DMXL2: variants seen among roughly 807,000 people sequenced by gnomAD.
The protein encoded by DMXL2 is Dmx like 2.
Under a neutral mutation model 331.1 loss-of-function variants are expected in DMXL2, and 103 were observed. The ratio of observed to expected loss-of-function variants is 0.31; its 90% CI spans 0.27 to 0.37. DMXL2 has a LOEUF of 0.37. Among genes scored for constraint, DMXL2 ranks in the 10% least tolerant of loss-of-function variants. The pLI is 1.00. For missense variants in DMXL2, 3,171 were observed against 3,642.9 expected (o/e 0.87, Z 3.33); for synonymous variants, 1,281 against 1,252.1 (o/e 1.02, Z -0.49).
At chr15:51,606,741 A>T (rs959561866) in intron 1 of DMXL2, among the ~76,000 whole-genome samples, 10 of 152,254 alleles carry the variant, frequency 6.6e-5, no homozygotes, top group African/African-American at 2.2e-4. Flanking sequence ...TGAAAGAACC[A>T]GTGTAACAAC....
chr15:51,451,852 G>T (rs1191294093), intron 41 of DMXL2, among the ~76,000 whole-genome samples, 155 bp from the exon 42 acceptor site: 1 of 152,142 alleles, frequency 6.6e-6, no homozygotes, highest in Non-Finnish European at 1.5e-5. Context: ...CAACTAGGAT[G>T]GGGGTAGGGT....
Position 51,450,004 on chromosome 15 carries a change from T to C in DMXL2, c.8967+125A>G, listed in dbSNP as rs2038992591. 2.0e-5 allele frequency: 16 copies of C among 806,740 alleles called. 1 individual carries two copies. The highest frequency in any genetic ancestry group is 2.8e-5 in the Non-Finnish European group (14 of 506,916). 50.0% of individuals were successfully genotyped at this position (806,740 alleles called of 1,614,324 possible). A position where few individuals can be genotyped will look rare whatever the true frequency, so the allele number is the denominator to read the frequency against. Reference sequence around the variant, plus strand: ...GGGGAGGCGGCAGAGTGTTGAGATATGCAGTATCTCCATGCAGTAGCCCAA... The same window carrying C: ...GGGGAGGCGGCAGAGTGTTGAGATACGCAGTATCTCCATGCAGTAGCCCAA... On this transcript the variant is annotated intron_variant, in intron 43 of 43. Coordinates refer to ENST00000560891, the MANE Select transcript of DMXL2 (RefSeq NM_001378457.1).
At position 51,500,075 on chromosome 15, in the gene DMXL2, C is replaced by G. The variant is rs2043475121; in HGVS notation, c.3149G>C (p.Arg1050Thr). 1 of 1,614,090 alleles carries G rather than the reference C, an allele frequency of 6.2e-7. No homozygotes were observed. Among genetic ancestry groups the G allele is most frequent in the South Asian group, 1.1e-5 (1 of 91,084 alleles). Residue 1050 changes from arginine (R) to threonine (T), a missense_variant, in exon 18 of 44, where the codon AGA (arginine) becomes ACA (threonine). This residue lies in a region of DMXL2 where 1,674 missense variants were observed against 1,780.2 expected (regional missense o/e 0.94). Transcript: ENST00000560891. Reference sequence around the variant, plus strand: ...TCCTTCATCATTCATCAAAGGCCATCTCTTCCAATGATAAATTTCTTTCTC... The same window carrying G: ...TCCTTCATCATTCATCAAAGGCCATGTCTTCCAATGATAAATTTCTTTCTC... ...SDEKEIYHWK[R>T]WPLMNDEGED... is the part of the protein sequence containing the mutation.
intron 3 of DMXL2, among the ~76,000 whole-genome samples, chr15:51,566,232 GGTGTGTGTGTGTGTGT>G (rs71127197): frequency 0.028 from 4,059 of 144,770 alleles, 177 homozygotes; most frequent in African/African-American, 0.091. Flanking sequence ...GTGTGTGTGG[GGTGTGTGTGTGTGTGT>G]GTGTGTGTGT....
In DMXL2 at chr15:51,542,353, G is replaced by A; in HGVS notation, c.1085C>T (p.Ala362Val). 6.2e-7 allele frequency: 1 copy of A among 1,613,410 alleles called. No individual in the cohort carries two copies. The highest frequency in any genetic ancestry group is 8.5e-7 in the Non-Finnish European group (1 of 1,179,562). ...TTTACCTGTGGCAGGGTTGATGCTT[G>A]CTGCAATATGAAAATGACAGAGTGC... ...ANALCHFHIA[A>V]SINPATDIPN... Residue 362 changes from alanine to valine, a missense_variant, in exon 9 of 44, where the codon GCA (alanine) becomes GTA (valine). By Grantham distance (64) the Ala-to-Val change is moderately conservative. Coordinates refer to ENST00000560891, the MANE Select transcript of DMXL2 (RefSeq NM_001378457.1).
chr15:51,542,268 T>A (rs1567093061), intron 9 of DMXL2, 65 bp downstream of exon 9: 4 of 1,463,110 alleles, frequency 2.7e-6, no homozygotes, highest in Non-Finnish European at 3.8e-6. Context: ...ATGAAAGTAG[T>A]TCCACTTTTC....
At chr15:51,508,454 A>G (rs2046546148) in intron 15 of DMXL2, among the ~76,000 whole-genome samples, 1 of 152,232 alleles carries the variant, frequency 6.6e-6, no homozygotes, top group Non-Finnish European at 1.5e-5. Context: ...GGTTATGTCA[A>G]AAGGACACAG....
intron 23 of DMXL2, among the ~76,000 whole-genome samples, 187 bp downstream of exon 23, chr15:51,485,886 T>C (rs1432654201): frequency 6.6e-6 from 1 of 152,172 alleles, no homozygotes; most frequent in Non-Finnish European, 1.5e-5. Context: ...GCTTGTTAAA[T>C]ATATACGTAA....
chr15:51,540,629 T>C (rs1407324329), intron 9 of DMXL2, among the ~76,000 whole-genome samples: 1 of 151,960 alleles, frequency 6.6e-6, no homozygotes, highest in South Asian at 2.1e-4. Context: ...TCTTGTAGTT[T>C]CAAAAAATTT....
intron 15 of DMXL2, among the ~76,000 whole-genome samples, 183 bp from the exon 16 acceptor site, chr15:51,507,436 T>C (rs1298362330): frequency 6.6e-6 from 1 of 152,172 alleles, no homozygotes; most frequent in African/African-American, 2.4e-5. Context: ...CAAGGACTAA[T>C]GAAATTACGT....
At chr15:51,557,151 A>G (rs535355832) in intron 6 of DMXL2, among the ~76,000 whole-genome samples, 2 of 152,348 alleles carry the variant, frequency 1.3e-5, no homozygotes, top group East Asian at 3.9e-4. Flanking sequence ...AAAATCCAAA[A>G]TGATCTACAG....
chr15:51,514,468 G>C lies in DMXL2; in HGVS notation c.2618C>G (p.Thr873Arg). The C allele has an allele frequency of 6.4e-7, 1 of 1,572,090 alleles. No individual in the cohort carries two copies. Among genetic ancestry groups the C allele is most frequent in the Non-Finnish European group, 8.7e-7 (1 of 1,155,138 alleles). The change falls in exon 15 of 44, where the codon ACA (threonine) becomes AGA (arginine). Residue 873 changes from threonine (T) to arginine (R), a missense_variant. By Grantham distance (71) the Thr-to-Arg change is moderately conservative. Around this residue, in one of 7 missense-constraint regions of DMXL2, gnomAD observed 1,674 missense variants for 1,780.2 expected, o/e 0.94. Transcript: ENST00000560891. ...PHKEDMEKKE[T>R]EIFFQPSQGY... ...TTGTGATGGCTGAAAAAATATTTCTGTTTCCTTTTTCTCCATATCTTCCTT... is the reference window on the plus strand; with the variant it reads ...TTGTGATGGCTGAAAAAATATTTCTCTTTCCTTTTTCTCCATATCTTCCTT...
intron 27 of DMXL2, 149 bp from the exon 28 acceptor site, chr15:51,474,741 T>A: frequency 1.2e-6 from 1 of 831,520 alleles, no homozygotes; most frequent in Non-Finnish European, 1.8e-6. Context: ...AAGATAGGAA[T>A]GGATTATAGC....
Position 51,542,414 on chromosome 15 carries a change from G to A in DMXL2, c.1024C>T (p.His342Tyr), listed in dbSNP as rs2048648701. The change falls in exon 9 of 44, where the codon CAT becomes TAT. Residue 342 changes from histidine to tyrosine, a missense_variant. By Grantham distance (83) the His-to-Tyr change is moderately conservative. Around this residue, in one of 7 missense-constraint regions of DMXL2, gnomAD observed 1,674 missense variants for 1,780.2 expected, o/e 0.94. Transcript: ENST00000560891. ...AELMPDQTAM[H>Y]EVQRHISHHA... is the part of the protein sequence containing the mutation. Reference sequence around the variant, plus strand: ...TGGGAAATGTGTCTTTGAACTTCATGCATTGCTGTCTGGTCGGGCATTAAT... The same window carrying A: ...TGGGAAATGTGTCTTTGAACTTCATACATTGCTGTCTGGTCGGGCATTAAT... The A allele has an allele frequency of 6.2e-7, 1 of 1,613,724 alleles. No individual in the cohort carries two copies.
intron 16 of DMXL2, among the ~76,000 whole-genome samples, chr15:51,506,869 A>G (rs980460162): frequency 1.3e-5 from 2 of 152,232 alleles, no homozygotes; most frequent in African/African-American, 4.8e-5. Context: ...GTCATAATGT[A>G]CACTCAATAA....
At chr15:51,512,106 G>A (rs2140614004) in intron 15 of DMXL2, among the ~76,000 whole-genome samples, 1 of 152,128 alleles carries the variant, frequency 6.6e-6, no homozygotes, top group South Asian at 2.1e-4. Context: ...TGGGTTGATA[G>A]GTGCAGCAAA....
chr15:51,449,825 A>G (rs2141174386), intron 43 of DMXL2, among the ~76,000 whole-genome samples: 1 of 152,244 alleles, frequency 6.6e-6, no homozygotes, highest in East Asian at 1.9e-4. Context: ...AGAAGCTTCT[A>G]AGGAGCCAAA....
chr15:51,596,755 G>A (rs1409481917), intron 1 of DMXL2, among the ~76,000 whole-genome samples: 1 of 152,154 alleles, frequency 6.6e-6, no homozygotes, highest in African/African-American at 2.4e-5. Context: ...AAAATGATGA[G>A]TTCATGTCCT....
At chr15:51,576,769 T>A (rs116190876) in intron 1 of DMXL2, among the ~76,000 whole-genome samples, 2,872 of 151,942 alleles carry the variant, frequency 0.019, 92 homozygotes, top group African/African-American at 0.065. Flanking sequence ...CCACCATCCA[T>A]CCCCAACATC....
Sources: allele counts gnomAD v4.1 joint callset (sites outside exome capture counted in the v4.1 genomes callset), GRCh38; gene constraint gnomAD v4.1.1; regional missense constraint gnomAD v4.1.1; transcripts MANE v1.5; gene names NCBI Gene and HGNC (gene_info 2026-07-23, HGNC 2026-07-21).